EFR3B: variants seen among roughly 807,000 people sequenced by gnomAD.
EFR3B encodes the protein EFR3 homolog B.
In EFR3B, 64 loss-of-function variants were observed where a neutral mutation model predicts 104.7. The observed-to-expected ratio is 0.61, with a 90% CI of 0.50 to 0.75. The LOEUF (loss-of-function observed/expected upper bound fraction) is 0.75. EFR3B is among the 30% of genes least tolerant of loss of function. The pLI is 0.00. For missense variants in EFR3B, 750 were observed against 1,078.5 expected (o/e 0.70, Z 4.27); for synonymous variants, 385 against 417.9 (o/e 0.92, Z 0.96).
Position 25,121,694 on chromosome 2 carries a change from G to T in EFR3B, c.385G>T (p.Glu129Ter). The T allele has an allele frequency of 1.3e-6, 2 of 1,551,660 alleles. No homozygotes were observed. Among genetic ancestry groups the T allele is most frequent in the Non-Finnish European group, 1.7e-6 (2 of 1,146,988 alleles). ...TNSFVKFANI[E>*]EDTPSYHRSY... Reference sequence around the variant, plus strand: ...ATAGTTTGTGAAGTTTGCCAACATCGAGGAGGACACCCCGTCCTATCACCG... The same window carrying T: ...ATAGTTTGTGAAGTTTGCCAACATCTAGGAGGACACCCCGTCCTATCACCG... The change falls in exon 5 of 23, where the codon GAG (glutamate) becomes TAG (stop). Residue 129 changes from glutamate to a stop codon, truncating the protein, a stop_gained. Coordinates refer to ENST00000403714, the MANE Select transcript of EFR3B (RefSeq NM_014971.2). LOFTEE classifies it high-confidence loss of function.
Position 25,130,127 on chromosome 2 carries a change from C to T in EFR3B, c.770+18C>T, listed in dbSNP as rs1346834986. ...GTTCTCATGTGAGTGCCCCCACCCA[C>T]TGCCTTGGCCCCAGCCTTCAGCCTG... On this transcript the variant is annotated intron_variant, in intron 7 of 22. Coordinates refer to ENST00000403714, the MANE Select transcript of EFR3B (RefSeq NM_014971.2). This position sits in a 1 kb window ranked among gnomAD's most constrained non-coding sequence, Gnocchi z 4.6. 1.3e-6 allele frequency: 2 copies of T among 1,551,834 alleles called. No individual in the cohort carries two copies. Among genetic ancestry groups the T allele is most frequent in the African/African-American group, 1.4e-5 (1 of 73,180 alleles).
At chr2:25,063,062 T>A (rs1206450817) in intron 1 of EFR3B, among the ~76,000 whole-genome samples, 1 of 152,098 alleles carries the variant, frequency 6.6e-6, no homozygotes, top group Non-Finnish European at 1.5e-5. Context: ...TAGTTGGGAT[T>A]ATAGGTGCCC....
Position 25,089,893 on chromosome 2 carries a change from C to T in EFR3B, c.8-1432C>T, listed in dbSNP as rs531696833. 1.2e-4 allele frequency among the ~76,000 whole-genome samples: 18 copies of T among 152,112 alleles called. 1 individual carries two copies. The highest frequency in any genetic ancestry group is 4.1e-4 in the African/African-American group (17 of 41,518). On this transcript the variant is annotated intron_variant, in intron 1 of 22. Transcript: ENST00000403714. The stretch of plus-strand genomic sequence containing the variant: ...AATAAGTTATCTGCCCCTGGGTGCC[C>T]GCCATCCTCTTGGTGCCCCATGGCT...
intron 1 of EFR3B, among the ~76,000 whole-genome samples, chr2:25,073,260 A>G (rs1668544498): frequency 6.6e-6 from 1 of 152,110 alleles, no homozygotes; most frequent in Non-Finnish European, 1.5e-5. Context: ...CACCTGCCTG[A>G]GGTCACATAG....
Position 25,135,512 on chromosome 2 carries a change from A to G in EFR3B, c.1357A>G (p.Ser453Gly). The change falls in exon 13 of 23, where the codon AGC (serine) becomes GGC (glycine). Residue 453 changes from serine to glycine, a missense_variant. By Grantham distance (56) the Ser-to-Gly change is moderately conservative. Transcript: ENST00000403714. ...QCNNMMSALPSNFLDRLLSTA... is the reference protein window; with the variant it reads ...QCNNMMSALPGNFLDRLLSTA... Reference sequence around the variant, plus strand: ...CAACAACATGATGTCAGCCCTGCCTAGCAACTTCCTGGACCGCCTTCTCTC... The same window carrying G: ...CAACAACATGATGTCAGCCCTGCCTGGCAACTTCCTGGACCGCCTTCTCTC... 6.4e-7 allele frequency: 1 copy of G among 1,551,776 alleles called. No homozygotes were observed.
rs1262408387 is a variant in EFR3B at position 25,153,762 on chromosome 2, G to A, written c.2348+1G>A. On this transcript the variant is annotated splice_donor_variant, in intron 22 of 22. Coordinates refer to ENST00000403714, the MANE Select transcript of EFR3B (RefSeq NM_014971.2). LOFTEE classifies it high-confidence loss of function. ...ATCAGATCTTTGAAATCACCATCCG[G>A]TAAGTGACAACCCTGGGCAGGGGAC... is the stretch of plus-strand genomic sequence containing the variant. The A allele has an allele frequency of 5.2e-6, 8 of 1,551,542 alleles. No homozygotes were observed. The highest frequency in any genetic ancestry group is 7.0e-6 in the Non-Finnish European group (8 of 1,146,996).
intron 1 of EFR3B, among the ~76,000 whole-genome samples, chr2:25,049,334 G>C (rs1667804318): frequency 6.6e-6 from 1 of 152,138 alleles, no homozygotes; most frequent in South Asian, 2.1e-4. Context: ...GTCTTTTGCT[G>C]TCTGCTCTGT....
chr2:25,059,226 C>T (rs1345389345), intron 1 of EFR3B, among the ~76,000 whole-genome samples: 1 of 151,236 alleles, frequency 6.6e-6, no homozygotes, highest in Non-Finnish European at 1.5e-5. Flanking sequence ...CATTCTCTTG[C>T]CTCAGCCTCC....
At chr2:25,124,145 C>T (rs1468942243) in intron 5 of EFR3B, among the ~76,000 whole-genome samples, 3 of 152,116 alleles carry the variant, frequency 2.0e-5, no homozygotes, top group East Asian at 3.9e-4. Context: ...TCAGCTGACC[C>T]GGTGGCAGCT....
intron 4 of EFR3B, among the ~76,000 whole-genome samples, chr2:25,120,882 G>A (rs1669994077): frequency 6.6e-6 from 1 of 152,074 alleles, no homozygotes; most frequent in South Asian, 2.1e-4. Context: ...TCCAATTTTT[G>A]TTGTTATCAT....
At chr2:25,125,723 A>T (rs34517663) in intron 5 of EFR3B, among the ~76,000 whole-genome samples, 12 of 152,090 alleles carry the variant, frequency 7.9e-5, no homozygotes, top group East Asian at 1.9e-4. Flanking sequence ...CCAAGGCGGG[A>T]GGATCACAAG....
intron 11 of EFR3B, 43 bp downstream of exon 11, chr2:25,133,057 C>G: frequency 6.6e-7 from 1 of 1,509,928 alleles, no homozygotes; most frequent in South Asian, 1.2e-5. Flanking sequence ...TCCTCTCCCC[C>G]AGCTGCATTT....
chr2:25,077,715 T>C (rs1343682716), intron 1 of EFR3B, among the ~76,000 whole-genome samples: 2 of 152,208 alleles, frequency 1.3e-5, no homozygotes, highest in Non-Finnish European at 2.9e-5. Flanking sequence ...ACACAAAAAC[T>C]AGAACAAATA....
At chr2:25,125,792 C>T (rs1670150164) in intron 5 of EFR3B, among the ~76,000 whole-genome samples, 1 of 152,088 alleles carries the variant, frequency 6.6e-6, no homozygotes, top group African/African-American at 2.4e-5. Flanking sequence ...ACTAAAAATA[C>T]AAAAAAATAG....
chr2:25,053,820 T>C lies in EFR3B; in HGVS notation c.7+11501T>C, dbSNP rs572927679. Among the ~76,000 whole-genome samples the C allele has an allele frequency of 1.5e-3, 227 of 152,278 alleles. 2 individuals carry two copies. The highest frequency in any genetic ancestry group is 5.2e-3 in the African/African-American group (217 of 41,556). On this transcript the variant is annotated intron_variant, in intron 1 of 22. Transcript: ENST00000403714. ...TACTCAGGAGGCTGAGGCAGGAGAA[T>C]CGCTTGAATCTGGGAGGCAGAGGTT...
At chr2:25,074,480 G>A (rs887759432) in intron 1 of EFR3B, among the ~76,000 whole-genome samples, 8 of 151,722 alleles carry the variant, frequency 5.3e-5, no homozygotes, top group African/African-American at 1.7e-4. Flanking sequence ...CAGGAGAATC[G>A]CTTGAACCCG....
At chr2:25,054,400 C>T (rs1307567424) in intron 1 of EFR3B, among the ~76,000 whole-genome samples, 1 of 151,978 alleles carries the variant, frequency 6.6e-6, no homozygotes, top group Non-Finnish European at 1.5e-5. Context: ...CACCTCACTG[C>T]AACTTCTGCC....
Position 25,042,114 on chromosome 2 carries a change from G to T in EFR3B, c.-199G>T, listed in dbSNP as rs549199412. On this transcript the variant is annotated 5_prime_UTR_variant, in exon 1 of 23. Transcript: ENST00000403714. This position sits in a 1 kb window ranked among gnomAD's most constrained non-coding sequence, Gnocchi z 5.4. ...AACCCGAGCGGAGGCGGCCGCTGCA[G>T]CCCGGCGCTGAATGGGCTGGCGGCG... 1.4e-3 allele frequency: 500 copies of T among 368,740 alleles called. 1 individual carries two copies. The highest frequency in any genetic ancestry group is 2.0e-3 in the Non-Finnish European group (435 of 220,716). 22.8% of individuals were successfully genotyped at this position (368,740 alleles called of 1,614,324 possible).
chr2:25,111,037 TC>T (rs1473763874), intron 4 of EFR3B, among the ~76,000 whole-genome samples: 5 of 152,224 alleles, frequency 3.3e-5, no homozygotes, highest in Admixed American at 3.3e-4. Context: ...TATCTGACTC[TC>T]CTGTCTCTTG....
Sources: allele counts gnomAD v4.1 joint callset (sites outside exome capture counted in the v4.1 genomes callset), GRCh38; gene constraint gnomAD v4.1.1; non-coding constraint Gnocchi (gnomAD v3.1); transcripts MANE v1.5; gene names NCBI Gene and HGNC (gene_info 2026-07-23, HGNC 2026-07-21).